DOK6: variants seen among roughly 807,000 people sequenced by gnomAD.
DOK6 encodes downstream of tyrosine kinase 6.
A neutral mutation model predicts 44.0 loss-of-function variants in DOK6; 22 were observed. The observed-to-expected ratio is 0.50, with a 90% CI of 0.36 to 0.71. The LOEUF (loss-of-function observed/expected upper bound fraction) is 0.71. DOK6 is among the 30% of genes least tolerant of loss of function. The probability of loss-of-function intolerance (pLI) is 0.00; values close to 1 mark genes in which losing one functional copy is unlikely to be tolerated. For synonymous variants in DOK6, 166 were observed against 145.5 expected (o/e 1.14, Z -1.01); for missense variants, 340 against 416.4 (o/e 0.82, Z 1.60).
chr18:69,620,720 C>A (rs1017776522), intron 3 of DOK6, among the ~76,000 whole-genome samples: 4 of 152,102 alleles, frequency 2.6e-5, no homozygotes, highest in Non-Finnish European at 5.9e-5. Flanking sequence ...AATGAATAAT[C>A]GTAAGCATTA....
chr18:69,661,673 T>C (rs964796357), intron 3 of DOK6: 10 of 152,368 alleles, frequency 6.6e-5, no homozygotes, highest in African/African-American at 2.2e-4. Context: ...GCAACATGAT[T>C]CAATCTGGTC....
intron 5 of DOK6, among the ~76,000 whole-genome samples, chr18:69,732,927 A>C (rs1978462444): frequency 6.6e-6 from 1 of 152,220 alleles, no homozygotes; most frequent in African/African-American, 2.4e-5. Flanking sequence ...AAACAGGTTT[A>C]CTTGACCCAC....
At chr18:69,586,434 T>G (rs1983502208) in intron 2 of DOK6, among the ~76,000 whole-genome samples, 1 of 152,198 alleles carries the variant, frequency 6.6e-6, no homozygotes, top group African/African-American at 2.4e-5. Flanking sequence ...CGTGCTACTC[T>G]TTTGTTCCCT....
chr18:69,797,764 A>G (rs1010226574), intron 7 of DOK6, among the ~76,000 whole-genome samples: 2 of 152,142 alleles, frequency 1.3e-5, no homozygotes, highest in African/African-American at 4.8e-5. Flanking sequence ...TCACAGTGCT[A>G]TCACTAAGCC....
chr18:69,450,041 C>T lies in DOK6; in HGVS notation c.66+48731C>T, dbSNP rs774309881. Among the ~76,000 whole-genome samples the T allele has an allele frequency of 7.3e-3, 952 of 130,100 alleles. 6 individuals carry two copies. Among genetic ancestry groups the T allele is most frequent in the Admixed American group, 0.013 (159 of 11,928 alleles). The allele number at this position is 130,100 out of a possible 152,430, so 85.4% of individuals were successfully genotyped here. ...AAGGAACGCAGTTCCTCACCAGCAA[C>T]GGAACAAAGCTGGATGGAGAATGAC... On this transcript the variant is annotated intron_variant, in intron 1 of 7. Transcript: ENST00000382713.
chr18:69,737,891 G>T (rs1272673075), intron 5 of DOK6, among the ~76,000 whole-genome samples: 1 of 152,134 alleles, frequency 6.6e-6, no homozygotes, highest in Non-Finnish European at 1.5e-5. Context: ...TATGAACAAA[G>T]CTCAACCTCA....
chr18:69,816,354 C>T (rs1981398492), intron 7 of DOK6, among the ~76,000 whole-genome samples: 1 of 152,090 alleles, frequency 6.6e-6, no homozygotes, highest in African/African-American at 2.4e-5. Context: ...GCTATATGTT[C>T]CTCTTCGAAA....
intron 1 of DOK6, 46 bp downstream of exon 1, chr18:69,401,356 C>T (rs765465397): frequency 3.5e-6 from 5 of 1,435,052 alleles, no homozygotes; most frequent in Admixed American, 2.4e-5. Context: ...CTCGTTCGGC[C>T]CGGCTGGCTG....
chr18:69,663,382 G>A (rs1359063494), intron 3 of DOK6: 3 of 151,488 alleles, frequency 2.0e-5, no homozygotes, highest in Non-Finnish European at 2.9e-5. Context: ...TGACACCTGT[G>A]TAATAAACCT....
At chr18:69,483,752 C>T (rs988219263) in intron 1 of DOK6, 12 of 152,038 alleles carry the variant, frequency 7.9e-5, no homozygotes, top group African/African-American at 2.9e-4. Context: ...TACAACAGTG[C>T]CTTAGCAGGC....
At chr18:69,439,886 C>T (rs1397954572) in intron 1 of DOK6, among the ~76,000 whole-genome samples, 21 of 152,200 alleles carry the variant, frequency 1.4e-4, no homozygotes, top group Admixed American at 1.4e-3. Flanking sequence ...CTTTTGCATT[C>T]TCAATTTGGA....
chr18:69,754,783 C>T (rs934001709), intron 6 of DOK6, among the ~76,000 whole-genome samples: 1 of 152,216 alleles, frequency 6.6e-6, no homozygotes, highest in African/African-American at 2.4e-5. Flanking sequence ...GGTCCCCACA[C>T]TTATATCTTC....
At chr18:69,629,588 G>A (rs970860085) in intron 3 of DOK6, among the ~76,000 whole-genome samples, 1 of 152,186 alleles carries the variant, frequency 6.6e-6, no homozygotes, top group Non-Finnish European at 1.5e-5. Context: ...ACTTGGCACT[G>A]AGGAACTAGT....
At chr18:69,549,106 A>AAAC (rs1555712151) in intron 1 of DOK6, among the ~76,000 whole-genome samples, 9 of 150,956 alleles carry the variant, frequency 6.0e-5, no homozygotes, top group Non-Finnish European at 8.9e-5. Context: ...AAAAAAAAAA[A>AAAC]AACAACAACA....
chr18:69,459,108 C>CG (rs1979713432), intron 1 of DOK6, among the ~76,000 whole-genome samples: 1 of 120,638 alleles, frequency 8.3e-6, no homozygotes, highest in African/African-American at 3.3e-5. Context: ...AACCCCCCCC[C>CG]CAAAAAAAAG....
intron 3 of DOK6, among the ~76,000 whole-genome samples, chr18:69,615,816 C>T (rs984601497): frequency 7.2e-5 from 11 of 152,148 alleles, no homozygotes; most frequent in African/African-American, 2.7e-4. Flanking sequence ...CCAGCCTCTA[C>T]CGTGCATGGG....
At chr18:69,621,501 A>G (rs1260500689) in intron 3 of DOK6, among the ~76,000 whole-genome samples, 1 of 152,154 alleles carries the variant, frequency 6.6e-6, no homozygotes, top group East Asian at 1.9e-4. Flanking sequence ...CCAAATGTAT[A>G]TGAGGAAACA....
intron 4 of DOK6, among the ~76,000 whole-genome samples, chr18:69,692,896 C>T (rs1302397670): frequency 6.6e-6 from 1 of 152,036 alleles, no homozygotes; most frequent in Non-Finnish European, 1.5e-5. Flanking sequence ...TTAATAATGC[C>T]TAGATATTTT....
intron 1 of DOK6, among the ~76,000 whole-genome samples, chr18:69,499,696 A>G (rs145770526): frequency 2.0e-3 from 300 of 152,246 alleles, no homozygotes; most frequent in African/African-American, 6.7e-3. Context: ...GTCCTAGCCT[A>G]CTATGCATCT....
Sources: gnomAD v4.1 joint callset for allele counts (sites outside exome capture counted in the v4.1 genomes callset) on GRCh38, gnomAD v4.1.1 for gene constraint, MANE v1.5 for transcripts, NCBI Gene and HGNC (gene_info 2026-07-23, HGNC 2026-07-21) for gene names.